Variants in CPLANE1 observed in about 807,000 individuals in gnomAD.
The protein encoded by CPLANE1 is ciliogenesis and planar polarity effector 1.
Under a neutral mutation model 362.5 loss-of-function variants are expected in CPLANE1, and 263 were observed. The ratio of observed to expected loss-of-function variants is 0.73; its 90% CI spans 0.66 to 0.80. The LOEUF is 0.80. Among genes scored for constraint, CPLANE1 ranks in the 30% least tolerant of loss-of-function variants. The pLI is 0.00. For missense variants in CPLANE1, 3,461 were observed against 3,793.4 expected, an observed-to-expected ratio of 0.91 and a Z score of 2.30; for synonymous variants, 1,212 against 1,302.6, an observed-to-expected ratio of 0.93 and a Z score of 1.50.
At position 37,107,508 on chromosome 5, in the gene CPLANE1, C is replaced by A. The variant is rs886060571; in HGVS notation, c.*94G>T. The A allele has an allele frequency of 4.0e-5, 54 of 1,333,668 alleles. No homozygotes were observed. Among genetic ancestry groups the A allele is most frequent in the Non-Finnish European group, 4.8e-5 (50 of 1,033,920 alleles). The allele number at this position is 1,333,668 out of a possible 1,614,324, so 82.6% of individuals were successfully genotyped here. Reference sequence around the variant, plus strand: ...AGCAAATGGAAAATTCACATTGCTTCTTTCATTGCTTCTGTCCCTTAAACC... The same window carrying A: ...AGCAAATGGAAAATTCACATTGCTTATTTCATTGCTTCTGTCCCTTAAACC... On this transcript the variant is annotated 3_prime_UTR_variant, in exon 53 of 53. Transcript: ENST00000651892.
In CPLANE1 at chr5:37,130,341, T is replaced by G. The variant is rs570691619; in HGVS notation, c.8793-4932A>C. 3 of 161,078 alleles carry G rather than the reference T, an allele frequency of 1.9e-5. No individual in the cohort carries two copies. In the East Asian group the frequency reaches 4.9e-4, roughly 26 times the overall value. 10.0% of individuals were successfully genotyped at this position (161,078 alleles called of 1,614,324 possible). ...TCTCACAAATCATCACTGAAGAACT[T>G]ACTCATGTAACCAAATACCACCTGT... On this transcript the variant is annotated intron_variant, in intron 46 of 52. Transcript: ENST00000651892.
At chr5:37,132,870 T>C (rs1766387189) in intron 46 of CPLANE1, among the ~76,000 whole-genome samples, 1 of 152,234 alleles carries the variant, frequency 6.6e-6, no homozygotes, top group African/African-American at 2.4e-5. Context: ...CAGAATGGTA[T>C]TTCCTAAGTT....
At chr5:37,120,065 A>T in intron 50 of CPLANE1, 151 bp downstream of exon 50, 1 of 683,040 alleles carries the variant, frequency 1.5e-6, no homozygotes. Context: ...AAAAAAAATT[A>T]CAGCTAAGTC....
chr5:37,082,278 A>G, the CPLANE1 span, among the ~76,000 whole-genome samples: 15 of 152,194 alleles, frequency 9.9e-5, no homozygotes, highest in African/African-American at 3.6e-4. Context: ...ATGGATGACT[A>G]CACATTCAAT....
intron 47 of CPLANE1, among the ~76,000 whole-genome samples, chr5:37,123,572 ACT>A (rs1763262022): frequency 1.3e-5 from 2 of 152,206 alleles, no homozygotes; most frequent in South Asian, 4.1e-4. Context: ...ACAAGAGTGC[ACT>A]CTGTTGCCCA....
rs1227508016 is a variant in CPLANE1, at chr5:37,168,928, G to A, written c.7096C>T (p.Leu2366Phe). Residue 2366 changes from leucine to phenylalanine, a missense_variant, in exon 34 of 53, where the codon CTT (leucine) becomes TTT (phenylalanine). Leu to Phe is a conservative substitution (Grantham distance 22). Transcript: ENST00000651892. ...GATGGAAACATATTAGGAGGTTTAA[G>A]TGGCAGGTATAGTAACGGAAGTCCA... ...SFGLPLLYLP[L>F]KPPNMFPSTS... 2.0e-5 allele frequency: 32 copies of A among 1,614,084 alleles called. No individual in the cohort carries two copies. Among genetic ancestry groups the A allele is most frequent in the Non-Finnish European group, 2.5e-5 (29 of 1,180,050 alleles).
intron 18 of CPLANE1, among the ~76,000 whole-genome samples, chr5:37,202,054 A>T (rs574106250): frequency 6.6e-6 from 1 of 152,344 alleles, no homozygotes; most frequent in Admixed American, 6.5e-5. Context: ...AAATATTCTT[A>T]GAATGTAGTT....
In CPLANE1 at chr5:37,195,932, T is replaced by C; in HGVS notation, c.3737A>G (p.Lys1246Arg). 6.2e-7 allele frequency: 1 copy of C among 1,612,880 alleles called. No homozygotes were observed. Among genetic ancestry groups the C allele is most frequent in the Non-Finnish European group, 8.5e-7 (1 of 1,179,484 alleles). Residue 1246 changes from lysine to arginine, a missense_variant, in exon 21 of 53, where the codon AAA (lysine) becomes AGA (arginine). Physicochemically the swap from Lys to Arg is conservative, Grantham distance 26. Transcript: ENST00000651892. ...PFPQSLLNYC[K>R]GGIAFFRPGA... The stretch of plus-strand genomic sequence containing the variant: ...AGGTCTAAAAAATGCGATACCTCCT[T>C]TACAGTAATTAAGTAATGACTGAGG...
chr5:37,236,475 T>C (rs978736084), intron 8 of CPLANE1, among the ~76,000 whole-genome samples: 2 of 152,164 alleles, frequency 1.3e-5, no homozygotes, highest in African/African-American at 2.4e-5. Context: ...AAAAAAATCC[T>C]AGAAGAAAAC....
chr5:37,152,554 A>ATT (rs566223711), intron 42 of CPLANE1, among the ~76,000 whole-genome samples: 4 of 152,134 alleles, frequency 2.6e-5, no homozygotes, highest in Non-Finnish European at 4.4e-5. Flanking sequence ...TTTAACTACC[A>ATT]TTATATATAT....
At chr5:37,167,314 T>G in intron 34 of CPLANE1, 101 bp from the exon 35 acceptor site, 1 of 879,728 alleles carries the variant, frequency 1.1e-6, no homozygotes, top group Non-Finnish European at 1.7e-6. Context: ...TAAATTAAAC[T>G]GTGCAACAGT....
chr5:37,205,986 AT>A (rs1790618137), intron 17 of CPLANE1, among the ~76,000 whole-genome samples: 1 of 152,222 alleles, frequency 6.6e-6, no homozygotes, highest in Admixed American at 6.5e-5. Context: ...TAAATTGAAA[AT>A]TTAATTCCTT....
chr5:37,120,188 C>T, intron 50 of CPLANE1, 28 bp downstream of exon 50: 1 of 1,586,318 alleles, frequency 6.3e-7, no homozygotes, highest in Non-Finnish European at 8.5e-7. Context: ...CCAAATCAGA[C>T]AATTTATAAA....
rs199524299 is a variant in CPLANE1 at position 37,180,161 on chromosome 5, T to G, written c.5593A>C (p.Asn1865His). Reference sequence around the variant, plus strand: ...TCATTGATTTCTTTTATATCAGGATTTTTTGCTTCAGTTGGCATTCTACTG... The same window carrying G: ...TCATTGATTTCTTTTATATCAGGATGTTTTGCTTCAGTTGGCATTCTACTG... ...ILNRMPTEAK[N>H]PDIKEINDDI... Residue 1865 changes from asparagine to histidine, a missense_variant, in exon 28 of 53, where the codon AAT (asparagine) becomes CAT (histidine). Asn to His is a moderately conservative substitution (Grantham distance 68, BLOSUM62 1). This residue lies in a region of CPLANE1 where 3,380 missense variants were observed against 3,666.1 expected (regional missense o/e 0.92). Transcript: ENST00000651892. 161 of 1,525,076 alleles carry G rather than the reference T, an allele frequency of 1.1e-4. No homozygotes were observed. Among genetic ancestry groups the G allele is most frequent in the Middle Eastern group, 1.7e-4 (1 of 5,744 alleles). 94.5% of individuals were successfully genotyped at this position (1,525,076 alleles called of 1,614,324 possible).
intron 46 of CPLANE1, among the ~76,000 whole-genome samples, chr5:37,134,810 T>C (rs78299745): frequency 6.6e-6 from 1 of 151,874 alleles, no homozygotes; most frequent in East Asian, 1.9e-4. Flanking sequence ...TTTTTTTTTT[T>C]TTGAGAAAGT....
At chr5:37,129,912 G>C (rs188835174) in intron 46 of CPLANE1, among the ~76,000 whole-genome samples, 86 of 152,258 alleles carry the variant, frequency 5.6e-4, no homozygotes, top group Non-Finnish European at 1.2e-4. Flanking sequence ...CAGAGGAAAA[G>C]AAGTCATTAT....
At chr5:37,114,405 T>C (rs1266458794) in intron 51 of CPLANE1, among the ~76,000 whole-genome samples, 1 of 152,190 alleles carries the variant, frequency 6.6e-6, no homozygotes, top group Admixed American at 6.5e-5. Flanking sequence ...ATATCCTCAC[T>C]ATTATAACTT....
intron 20 of CPLANE1, among the ~76,000 whole-genome samples, chr5:37,198,496 A>G (rs1788209230): frequency 6.6e-6 from 1 of 152,124 alleles, no homozygotes; most frequent in African/African-American, 2.4e-5. Context: ...CTTTTGCTAG[A>G]CATGGTGGAA....
chr5:37,187,306 A>G, intron 23 of CPLANE1, 108 bp downstream of exon 23: 1 of 891,636 alleles, frequency 1.1e-6, no homozygotes, highest in Non-Finnish European at 1.7e-6. Flanking sequence ...TATTATGCTA[A>G]GTGAAATAAT....
Sources: allele counts gnomAD v4.1 joint callset (sites outside exome capture counted in the v4.1 genomes callset), GRCh38; gene constraint gnomAD v4.1.1; regional missense constraint gnomAD v4.1.1; transcripts MANE v1.5; gene names NCBI Gene and HGNC (gene_info 2026-07-23, HGNC 2026-07-21).